KCTD8: variants seen among roughly 807,000 people sequenced by gnomAD.
KCTD8 encodes the protein potassium channel tetramerization domain containing 8, also known as BTB/POZ domain-containing protein KCTD8.
Under a neutral mutation model 31.5 loss-of-function variants are expected in KCTD8, and 27 were observed. The observed-to-expected ratio is 0.86, with a 90% CI of 0.63 to 1.18. The LOEUF is 1.18. Among genes scored for constraint, KCTD8 ranks in the 50% most tolerant of loss-of-function variants. The pLI, the probability that KCTD8 is intolerant of heterozygous loss-of-function variation, is 0.00. For missense variants in KCTD8, 658 were observed against 647.7 expected, an observed-to-expected ratio of 1.02 and a Z score of -0.17; for synonymous variants, 290 against 280.0, an observed-to-expected ratio of 1.04 and a Z score of -0.36.
chr4:44,259,217 T>C (rs1019037688), intron 1 of KCTD8, among the ~76,000 whole-genome samples: 6 of 151,816 alleles, frequency 4.0e-5, no homozygotes, highest in African/African-American at 1.5e-4. Flanking sequence ...TTTGTGGTTT[T>C]TTTTTCAGAG....
At chr4:44,335,751 A>C (rs1718722917) in intron 1 of KCTD8, among the ~76,000 whole-genome samples, 1 of 152,212 alleles carries the variant, frequency 6.6e-6, no homozygotes, top group Admixed American at 6.5e-5. Flanking sequence ...TTTACAATAT[A>C]GATACAGATA....
At chr4:44,383,203 T>C (rs1560441238) in intron 1 of KCTD8, among the ~76,000 whole-genome samples, 1 of 152,032 alleles carries the variant, frequency 6.6e-6, no homozygotes, top group Non-Finnish European at 1.5e-5. Context: ...CCCATGATCA[T>C]AGATTGTAAG....
At chr4:44,303,667 T>A (rs1000907623) in intron 1 of KCTD8, among the ~76,000 whole-genome samples, 8 of 151,924 alleles carry the variant, frequency 5.3e-5, no homozygotes, top group African/African-American at 7.2e-5. Context: ...AATACAAAAA[T>A]TAGCTGGGTG....
intron 1 of KCTD8, among the ~76,000 whole-genome samples, chr4:44,254,865 A>C (rs1715947340): frequency 6.6e-6 from 1 of 151,834 alleles, no homozygotes; most frequent in Non-Finnish European, 1.5e-5. Context: ...TGGAGGCATA[A>C]GTGTTATAAG....
intron 1 of KCTD8, among the ~76,000 whole-genome samples, chr4:44,304,576 T>C (rs2109394698): frequency 6.6e-6 from 1 of 152,188 alleles, no homozygotes. Context: ...CATTGATACG[T>C]TTTTGTTGTA....
intron 1 of KCTD8, among the ~76,000 whole-genome samples, chr4:44,385,085 T>C (rs1016143997): frequency 2.0e-5 from 3 of 151,434 alleles, no homozygotes; most frequent in African/African-American, 7.3e-5. Flanking sequence ...ACAAAAAAAT[T>C]GGAAAAACAT....
rs561644760 is a variant in KCTD8, at chr4:44,329,680, T to C, written c.961+117883A>G. Among the ~76,000 whole-genome samples, 20 of 152,060 alleles carry C rather than the reference T, an allele frequency of 1.3e-4. No individual in the cohort carries two copies. The South Asian group carries it at 3.9e-3, about 30-fold the overall frequency. On this transcript the variant is annotated intron_variant, in intron 1 of 1. Coordinates refer to ENST00000360029, the MANE Select transcript of KCTD8 (RefSeq NM_198353.3). Reference sequence around the variant, plus strand: ...CATGAGTACCCAAGACAAACTTTTGTAGTATATCATATATAAGTAAAACAA... The same window carrying C: ...CATGAGTACCCAAGACAAACTTTTGCAGTATATCATATATAAGTAAAACAA...
intron 1 of KCTD8, among the ~76,000 whole-genome samples, chr4:44,336,165 A>G (rs1560429404): frequency 6.7e-6 from 1 of 148,850 alleles, no homozygotes; most frequent in East Asian, 1.9e-4. Flanking sequence ...AAAAAAAAAA[A>G]AAAAAAAAAA....
Position 44,317,224 on chromosome 4 carries a change from C to CTTTCTTTTTT in KCTD8, c.961+130329_961+130338dup, listed in dbSNP as rs1718156372. Among the ~76,000 whole-genome samples the CTTTCTTTTTT allele has an allele frequency of 5.4e-5, 3 of 55,806 alleles. No individual in the cohort carries two copies. In the South Asian group the frequency reaches 1.9e-3, roughly 35 times the overall value. 36.6% of individuals were successfully genotyped at this position (55,806 alleles called of 152,430 possible). ...TTTGTTTATGTATTGCCTATGGGTG[C>CTTTCTTTTTT]TTTCTTTTTTTTTTTTTTTTTTTTT... On this transcript the variant is annotated intron_variant, in intron 1 of 1. Transcript: ENST00000360029.
chr4:44,444,800 T>TGG lies in KCTD8; in HGVS notation c.961+2761_961+2762dup, dbSNP rs200261708. Among the ~76,000 whole-genome samples, 123 of 143,434 alleles carry TGG rather than the reference T, an allele frequency of 8.6e-4. 1 individual carries two copies. The Middle Eastern group carries it at 0.01, about 12-fold the overall frequency. The allele number at this position is 143,434 out of a possible 152,430, so 94.1% of individuals were successfully genotyped here. A position where few individuals can be genotyped will look rare whatever the true frequency, so the allele number is the denominator to read the frequency against. On this transcript the variant is annotated intron_variant, in intron 1 of 1. Coordinates refer to ENST00000360029, the MANE Select transcript of KCTD8 (RefSeq NM_198353.3). ...CAGGTGTGGTGGGGGTGACGGGGGTTGGGGGGGAATAACATTGATGCTCAA... is the reference window on the plus strand; with the variant it reads ...CAGGTGTGGTGGGGGTGACGGGGGTTGGGGGGGGGAATAACATTGATGCTCAA...
intron 1 of KCTD8, among the ~76,000 whole-genome samples, chr4:44,422,435 G>C (rs1398582283): frequency 6.6e-6 from 1 of 152,020 alleles, no homozygotes; most frequent in South Asian, 2.1e-4. Context: ...ATTCCTTGAA[G>C]GGTAGATGTA....
At chr4:44,278,057 G>C (rs550727841) in intron 1 of KCTD8, among the ~76,000 whole-genome samples, 3 of 152,034 alleles carry the variant, frequency 2.0e-5, no homozygotes, top group South Asian at 2.1e-4. Context: ...TTTTAGTCTT[G>C]AGTTCCTGAC....
At chr4:44,290,020 G>A (rs1475564780) in intron 1 of KCTD8, among the ~76,000 whole-genome samples, 1 of 152,072 alleles carries the variant, frequency 6.6e-6, no homozygotes, top group Non-Finnish European at 1.5e-5. Context: ...CATAGAGTGG[G>A]AAGTTGGATC....
chr4:44,300,396 CTT>C (rs1717575999), intron 1 of KCTD8, among the ~76,000 whole-genome samples: 1 of 152,080 alleles, frequency 6.6e-6, no homozygotes, highest in Non-Finnish European at 1.5e-5. Context: ...ATTGCCATCT[CTT>C]TTCAAATAAA....
chr4:44,224,225 T>C (rs927783027), intron 1 of KCTD8, among the ~76,000 whole-genome samples: 1 of 152,226 alleles, frequency 6.6e-6, no homozygotes, highest in African/African-American at 2.4e-5. Flanking sequence ...TACATACTTA[T>C]TCTGGTACTC....
intron 1 of KCTD8, among the ~76,000 whole-genome samples, chr4:44,381,226 T>C (rs1720054782): frequency 6.6e-6 from 1 of 152,048 alleles, no homozygotes; most frequent in Non-Finnish European, 1.5e-5. Flanking sequence ...AAGTTATATC[T>C]AAAATATATT....
At chr4:44,270,977 AT>A (rs1390692437) in intron 1 of KCTD8, among the ~76,000 whole-genome samples, 1 of 152,088 alleles carries the variant, frequency 6.6e-6, no homozygotes, top group Non-Finnish European at 1.5e-5. Flanking sequence ...GAAAAGAGGT[AT>A]CCTACAAGTT....
chr4:44,222,258 T>C (rs1211587164), intron 1 of KCTD8, among the ~76,000 whole-genome samples: 1 of 151,976 alleles, frequency 6.6e-6, no homozygotes, highest in African/African-American at 2.4e-5. Context: ...GTTTGCTGAG[T>C]TGAGCCTGAA....
At chr4:44,258,041 C>A (rs1239070327) in intron 1 of KCTD8, among the ~76,000 whole-genome samples, 1 of 151,756 alleles carries the variant, frequency 6.6e-6, no homozygotes, top group Non-Finnish European at 1.5e-5. Flanking sequence ...TTTTGAGTTG[C>A]CTATTGTGTA....
Sources: gnomAD v4.1 joint callset for allele counts (sites outside exome capture counted in the v4.1 genomes callset) on GRCh38, gnomAD v4.1.1 for gene constraint, MANE v1.5 for transcripts, NCBI Gene and HGNC (gene_info 2026-07-23, HGNC 2026-07-21) for gene names.